The following EEF2KMT variants were observed in gnomAD, a reference collection of about 807,000 sequenced individuals.
EEF2KMT encodes the protein protein-lysine N-methyltransferase EEF2KMT.
A neutral mutation model predicts 35.1 loss-of-function variants in EEF2KMT; 30 were observed. The observed-to-expected ratio is 0.85, with a 90% CI of 0.64 to 1.16. EEF2KMT has a LOEUF of 1.16. EEF2KMT is among the 50% of genes most tolerant of loss of function. The pLI, the probability that EEF2KMT is intolerant of heterozygous loss-of-function variation, is 0.00. For missense variants in EEF2KMT, 499 were observed against 438.2 expected (o/e 1.14, Z -1.24); for synonymous variants, 190 against 187.7 (o/e 1.01, Z -0.10).
At position 5,085,197 on chromosome 16, in the gene EEF2KMT, G is replaced by T. The variant is rs941220621; in HGVS notation, c.*435C>A. On this transcript the variant is annotated 3_prime_UTR_variant, in exon 8 of 8. Coordinates refer to ENST00000427587, the MANE Select transcript of EEF2KMT (RefSeq NM_201400.4). ...TCCTCATCCTGCGTTTGGTCTCCAG[G>T]TGTCCCCTTTCTGCCGTGTTCCTAA... The T allele has an allele frequency of 1.6e-5, 9 of 566,434 alleles. No individual in the cohort carries two copies. The highest frequency in any genetic ancestry group is 2.2e-5 in the Non-Finnish European group (7 of 319,108). 35.1% of individuals were successfully genotyped at this position (566,434 alleles called of 1,614,324 possible).
At chr16:5,097,301 C>G (rs2142791662) in intron 1 of EEF2KMT, 1 of 1,351,608 alleles carries the variant, frequency 7.4e-7, no homozygotes, top group East Asian at 4.2e-5. Flanking sequence ...ACGGCGCTGA[C>G]TTTTTAGAAT....
rs941780425 is a variant in EEF2KMT at position 5,091,722 on chromosome 16, C to G, written c.342+72G>C. The G allele has an allele frequency of 1.9e-6, 3 of 1,596,370 alleles. No homozygotes were observed. In the South Asian group the frequency reaches 3.3e-5, roughly 18 times the overall value. Reference sequence around the variant, plus strand: ...GGGTGAGTCAGGATTTGAACCCACACCCACGTTTTCACTTTGTCTGTGCAG... The same window carrying G: ...GGGTGAGTCAGGATTTGAACCCACAGCCACGTTTTCACTTTGTCTGTGCAG... On this transcript the variant is annotated intron_variant, in intron 4 of 7. Transcript: ENST00000427587.
chr16:5,092,963 AAAAT>A (rs981560027), intron 3 of EEF2KMT, among the ~76,000 whole-genome samples: 26 of 152,296 alleles, frequency 1.7e-4, no homozygotes, highest in East Asian at 1.2e-3. Context: ...CTGTCTCAAA[AAAAT>A]AAATAAATAA....
chr16:5,097,575 G>A (rs898464767), intron 1 of EEF2KMT, 69 bp downstream of exon 1: 1 of 1,526,246 alleles, frequency 6.6e-7, no homozygotes, highest in African/African-American at 1.4e-5. Context: ...CTTCAGCACG[G>A]AGACCCGTCC....
chr16:5,088,232 C>CGCCCGGCCAGCCTCCTGT (rs1474762109), intron 7 of EEF2KMT, among the ~76,000 whole-genome samples: 3 of 147,584 alleles, frequency 2.0e-5, no homozygotes, highest in African/African-American at 7.5e-5. Flanking sequence ...CTGAGCCCTG[C>CGCCCGGCCAGCCTCCTGT]GCCCGGCCAG....
intron 7 of EEF2KMT, among the ~76,000 whole-genome samples, chr16:5,088,237 G>C (rs371755735): frequency 7.0e-6 from 1 of 143,154 alleles, no homozygotes; most frequent in Non-Finnish European, 1.5e-5. Flanking sequence ...CCCTGCGCCC[G>C]GCCAGCCTCC....
At chr16:5,092,220 G>A (rs922604199) in intron 3 of EEF2KMT, among the ~76,000 whole-genome samples, 4 of 152,132 alleles carry the variant, frequency 2.6e-5, no homozygotes, top group African/African-American at 9.7e-5. Flanking sequence ...GGAGGGTAGG[G>A]TTAGGTGTAG....
At chr16:5,091,111 T>G (rs1181641453) in intron 4 of EEF2KMT, among the ~76,000 whole-genome samples, 1 of 151,968 alleles carries the variant, frequency 6.6e-6, no homozygotes, top group African/African-American at 2.4e-5. Context: ...GACAGAGATT[T>G]GCTCTCGTTG....
At chr16:5,092,698 C>T (rs1242728089) in intron 3 of EEF2KMT, among the ~76,000 whole-genome samples, 3 of 152,244 alleles carry the variant, frequency 2.0e-5, no homozygotes, top group Non-Finnish European at 2.9e-5. Flanking sequence ...TGCGGTGGCT[C>T]ATGCCTGTAA....
At position 5,090,645 on chromosome 16, in the gene EEF2KMT, G is replaced by C. The variant is rs1190724120; in HGVS notation, c.343-80C>G. 1.3e-6 allele frequency: 2 copies of C among 1,577,090 alleles called. No homozygotes were observed. On this transcript the variant is annotated intron_variant, in intron 4 of 7. Coordinates refer to ENST00000427587, the MANE Select transcript of EEF2KMT (RefSeq NM_201400.4). This position sits in a 1 kb window ranked among gnomAD's most constrained non-coding sequence, Gnocchi z 4.1. ...AGAAGACAAGTAGCCCCACCACATGGCTGAATAAACCATGACAGGACCAAT... is the reference window on the plus strand; with the variant it reads ...AGAAGACAAGTAGCCCCACCACATGCCTGAATAAACCATGACAGGACCAAT...
At chr16:5,089,528 G>C in intron 6 of EEF2KMT, 2 of 546,706 alleles carry the variant, frequency 3.7e-6, no homozygotes, top group Non-Finnish European at 3.2e-6. Context: ...GGCCTATCTA[G>C]AGGGCTTTGA....
intron 7 of EEF2KMT, among the ~76,000 whole-genome samples, chr16:5,087,626 CAA>C (rs1312459103): frequency 4.6e-5 from 7 of 152,022 alleles, no homozygotes; most frequent in Non-Finnish European, 7.4e-5. Context: ...GGCGAAACCT[CAA>C]CTCTACAAAC....
In EEF2KMT at chr16:5,085,178, T is replaced by C. The variant is rs1957111609; in HGVS notation, c.*454A>G. On this transcript the variant is annotated 3_prime_UTR_variant, in exon 8 of 8. Transcript: ENST00000427587. ...CCTGTGACCTCTGCAGAACTCCTCATCCTGCGTTTGGTCTCCAGGTGTCCC... is the reference window on the plus strand; with the variant it reads ...CCTGTGACCTCTGCAGAACTCCTCACCCTGCGTTTGGTCTCCAGGTGTCCC... The C allele has an allele frequency of 1.7e-6, 1 of 585,568 alleles. No homozygotes were observed. The allele number at this position is 585,568 out of a possible 1,614,324, so 36.3% of individuals were successfully genotyped here.
Position 5,084,610 on chromosome 16 carries a change from AGGGTCTC to A in EEF2KMT, c.*1015_*1021del. 2.3e-6 allele frequency: 3 copies of A among 1,328,814 alleles called. No homozygotes were observed. The highest frequency in any genetic ancestry group is 3.1e-6 in the Non-Finnish European group (3 of 955,528). The allele number at this position is 1,328,814 out of a possible 1,614,324, so 82.3% of individuals were successfully genotyped here. On this transcript the variant is annotated 3_prime_UTR_variant, in exon 8 of 8. Transcript: ENST00000427587. The stretch of plus-strand genomic sequence containing the variant: ...GAGGCGGAGTGCTGCTGGGGTGTGA[AGGGTCTC>A]GAGTCCAAGTGAGGGAGTTAGGGAC...
chr16:5,096,572 A>G (rs1012015700), intron 1 of EEF2KMT, among the ~76,000 whole-genome samples: 4 of 152,170 alleles, frequency 2.6e-5, no homozygotes, highest in Non-Finnish European at 5.9e-5. Flanking sequence ...TATATCCCCC[A>G]TTTTATTAAT....
chr16:5,090,452 G>C lies in EEF2KMT; in HGVS notation c.456C>G (p.Asn152Lys). 1 of 1,612,034 alleles carries C rather than the reference G, an allele frequency of 6.2e-7. No homozygotes were observed. Among genetic ancestry groups the C allele is most frequent in the Non-Finnish European group, 8.5e-7 (1 of 1,179,862 alleles). The change falls in exon 5 of 8, where the codon AAC becomes AAG. Residue 152 changes from asparagine (N) to lysine (K), a missense_variant. Coordinates refer to ENST00000427587, the MANE Select transcript of EEF2KMT (RefSeq NM_201400.4). The surrounding 1 kb of genome is among the most constrained non-coding windows in gnomAD (Gnocchi z 4.1). The part of the protein sequence containing the change: ...ALYLAEWAIE[N>K]PAVFTNRTVL... Reference sequence around the variant, plus strand: ...GTCACCTGTTAGTGAAGACTGCCGGGTTCTCGATGGCCCATTCTGCAAGGT... The same window carrying C: ...GTCACCTGTTAGTGAAGACTGCCGGCTTCTCGATGGCCCATTCTGCAAGGT...
chr16:5,094,655 A>G (rs944676639), intron 2 of EEF2KMT, among the ~76,000 whole-genome samples: 1 of 152,142 alleles, frequency 6.6e-6, no homozygotes, highest in Non-Finnish European at 1.5e-5. Flanking sequence ...AGGGTGCGAG[A>G]TAACTTCAGG....
chr16:5,089,404 A>T (rs1957293082), intron 6 of EEF2KMT, 148 bp from the exon 7 acceptor site: 2 of 1,110,454 alleles, frequency 1.8e-6, no homozygotes, highest in African/African-American at 3.1e-5. Flanking sequence ...ATGGAAAGGC[A>T]ATTACTTGGG....
At chr16:5,093,737 G>A (rs1331627707) in intron 2 of EEF2KMT, among the ~76,000 whole-genome samples, 173 bp from the exon 3 acceptor site, 2 of 152,164 alleles carry the variant, frequency 1.3e-5, no homozygotes, top group African/African-American at 2.4e-5. Context: ...GATATAAGCT[G>A]TTTCCTAAAA....
Sources: gnomAD v4.1 joint callset for allele counts (sites outside exome capture counted in the v4.1 genomes callset) on GRCh38, gnomAD v4.1.1 for gene constraint, Gnocchi (gnomAD v3.1) non-coding constraint, MANE v1.5 for transcripts, NCBI Gene and HGNC (gene_info 2026-07-23, HGNC 2026-07-21) for gene names.